SLX4IP: variants seen among roughly 807,000 people sequenced by gnomAD.
The protein encoded by SLX4IP is protein SLX4IP.
Under a neutral mutation model 32.9 loss-of-function variants are expected in SLX4IP, and 34 were observed. The ratio of observed to expected loss-of-function variants is 1.03; its 90% CI spans 0.79 to 1.38. The LOEUF (loss-of-function observed/expected upper bound fraction) is 1.38. SLX4IP is among the 40% of genes most tolerant of loss of function. The pLI, the probability that SLX4IP is intolerant of heterozygous loss-of-function variation, is 0.00. For synonymous variants in SLX4IP, 172 were observed against 171.7 expected (o/e 1.00, Z -0.01); for missense variants, 444 against 479.0 (o/e 0.93, Z 0.68).
At chr20:10,566,808 G>A (rs190363567) in intron 4 of SLX4IP, among the ~76,000 whole-genome samples, 16 of 152,204 alleles carry the variant, frequency 1.1e-4, no homozygotes, top group African/African-American at 2.6e-4. Context: ...TGTCAGAATC[G>A]CAGTGGTGGT....
At chr20:10,549,235 CT>C (rs1453782959) in intron 2 of SLX4IP, among the ~76,000 whole-genome samples, 1 of 152,170 alleles carries the variant, frequency 6.6e-6, no homozygotes, top group African/African-American at 2.4e-5. Flanking sequence ...CCCTCTTCAC[CT>C]TTTCTTTTCC....
intron 1 of SLX4IP, among the ~76,000 whole-genome samples, chr20:10,446,854 A>G (rs1177109238): frequency 2.6e-5 from 4 of 152,112 alleles, no homozygotes; most frequent in African/African-American, 9.7e-5. Context: ...TATTCTAGAT[A>G]GAAATCCTTT....
intron 2 of SLX4IP, among the ~76,000 whole-genome samples, chr20:10,553,846 A>G (rs1302844706): frequency 6.6e-6 from 1 of 152,240 alleles, no homozygotes; most frequent in African/African-American, 2.4e-5. Context: ...ACTCTTTTAC[A>G]TCGTAGGAAA....
chr20:10,473,576 ATTC>A (rs1249506750), intron 2 of SLX4IP, among the ~76,000 whole-genome samples: 1 of 149,566 alleles, frequency 6.7e-6, no homozygotes, highest in African/African-American at 2.5e-5. Context: ...TTATTCTGCA[ATTC>A]TTCTTAAAAC....
At chr20:10,505,440 CAT>C (rs2065751067) in intron 2 of SLX4IP, among the ~76,000 whole-genome samples, 2 of 152,300 alleles carry the variant, frequency 1.3e-5, no homozygotes, top group African/African-American at 4.8e-5. Context: ...ATGGAAAAGA[CAT>C]AGGAGACAGG....
At chr20:10,549,889 A>G (rs1439555295) in intron 2 of SLX4IP, among the ~76,000 whole-genome samples, 2 of 152,250 alleles carry the variant, frequency 1.3e-5, no homozygotes, top group Non-Finnish European at 2.9e-5. Flanking sequence ...TCACATCACT[A>G]TAAAATTTTG....
intron 1 of SLX4IP, among the ~76,000 whole-genome samples, chr20:10,451,989 A>C (rs1242001644): frequency 6.6e-6 from 1 of 152,190 alleles, no homozygotes; most frequent in Non-Finnish European, 1.5e-5. Context: ...ATAAAATAAA[A>C]TAGATTATTC....
At position 10,626,031 on chromosome 20, in the gene SLX4IP, T is replaced by C. The variant is rs1177155077; in HGVS notation, c.*2652T>C. ...ATTCTTTTTTTTTTTTTTTTTTTTT[T>C]TGAGACAGAGTCTCGCTCTGTCGCC... On this transcript the variant is annotated 3_prime_UTR_variant, in exon 8 of 8. Coordinates refer to ENST00000334534, the MANE Select transcript of SLX4IP (RefSeq NM_001009608.3). The C allele has an allele frequency of 7.3e-6, 1 of 137,086 alleles. No homozygotes were observed. Among genetic ancestry groups the C allele is most frequent in the Non-Finnish European group, 1.6e-5 (1 of 64,258 alleles). 8.5% of individuals were successfully genotyped at this position (137,086 alleles called of 1,614,324 possible).
intron 4 of SLX4IP, among the ~76,000 whole-genome samples, chr20:10,562,733 ATTTAT>A (rs1433173657): frequency 6.6e-6 from 1 of 151,834 alleles, no homozygotes; most frequent in Non-Finnish European, 1.5e-5. Flanking sequence ...ATTTTATTTT[ATTTAT>A]TTATTTTTTT....
chr20:10,560,325 A>ATTTC (rs1275296300), intron 3 of SLX4IP, among the ~76,000 whole-genome samples: 4 of 152,286 alleles, frequency 2.6e-5, no homozygotes, highest in African/African-American at 9.6e-5. Flanking sequence ...TTCTTGACTT[A>ATTTC]TTTCTTCTAT....
chr20:10,465,657 C>T (rs190874330), intron 2 of SLX4IP, among the ~76,000 whole-genome samples: 164 of 152,300 alleles, frequency 1.1e-3, no homozygotes, highest in Middle Eastern at 3.4e-3. Flanking sequence ...AGGCACATGC[C>T]GCCATGCCCA....
chr20:10,510,646 C>A (rs1207350404), intron 2 of SLX4IP, among the ~76,000 whole-genome samples: 3 of 150,958 alleles, frequency 2.0e-5, no homozygotes, highest in Non-Finnish European at 4.4e-5. Context: ...CGCTCTGTCA[C>A]CAGACTGGAC....
intron 4 of SLX4IP, among the ~76,000 whole-genome samples, chr20:10,567,956 G>A (rs756786553): frequency 5.3e-5 from 8 of 152,204 alleles, no homozygotes; most frequent in Non-Finnish European, 1.2e-4. Context: ...TAACTGGCGA[G>A]TGAAGCTATT....
Position 10,626,006 on chromosome 20 carries a change from ATTCTTT to A in SLX4IP, c.*2630_*2635del, listed in dbSNP as rs1257844617. The A allele has an allele frequency of 1.6e-5, 2 of 123,742 alleles. No homozygotes were observed. Among genetic ancestry groups the A allele is most frequent in the Non-Finnish European group, 3.5e-5 (2 of 57,570 alleles). 7.7% of individuals were successfully genotyped at this position (123,742 alleles called of 1,614,324 possible). A position where few individuals can be genotyped will look rare whatever the true frequency, so the allele number is the denominator to read the frequency against. On this transcript the variant is annotated 3_prime_UTR_variant, in exon 8 of 8. Coordinates refer to ENST00000334534, the MANE Select transcript of SLX4IP (RefSeq NM_001009608.3). ...TGTTGGGAATGGTATGTGTTTTGAC[ATTCTTT>A]TTTTTTTTTTTTTTTTTTTTGAGAC...
chr20:10,448,953 T>C (rs2150684), intron 1 of SLX4IP, among the ~76,000 whole-genome samples: 74,545 of 152,054 alleles, frequency 0.49, 19,743 homozygotes, highest in Non-Finnish European at 0.6. Context: ...AGCAGGCTTT[T>C]CTTGAGTACC....
chr20:10,532,134 G>T (rs1453289838), intron 2 of SLX4IP, among the ~76,000 whole-genome samples: 1 of 152,196 alleles, frequency 6.6e-6, no homozygotes, highest in East Asian at 1.9e-4. Flanking sequence ...GTGTACATGT[G>T]CCAAGATGGG....
chr20:10,613,070 A>T (rs1295495928), intron 6 of SLX4IP: 3 of 277,598 alleles, frequency 1.1e-5, no homozygotes, highest in Non-Finnish European at 2.1e-5. Context: ...CTGGGTAGAG[A>T]GCCTATTCTA....
intron 2 of SLX4IP, among the ~76,000 whole-genome samples, chr20:10,522,536 C>T (rs6040006): frequency 0.054 from 8,284 of 152,202 alleles, 309 homozygotes; most frequent in Admixed American, 0.11. Flanking sequence ...ACATGGCTCC[C>T]GGTCTCCTGG....
intron 6 of SLX4IP, among the ~76,000 whole-genome samples, chr20:10,618,217 A>G (rs2067061974): frequency 6.6e-6 from 1 of 152,186 alleles, no homozygotes; most frequent in Non-Finnish European, 1.5e-5. Context: ...GAGTACCCCC[A>G]AAGATCGAGA....
Sources: gnomAD v4.1 joint callset for allele counts (sites outside exome capture counted in the v4.1 genomes callset) on GRCh38, gnomAD v4.1.1 for gene constraint, MANE v1.5 for transcripts, NCBI Gene and HGNC (gene_info 2026-07-23, HGNC 2026-07-21) for gene names.